RPTOR: variants seen among roughly 807,000 people sequenced by gnomAD.
RPTOR encodes regulatory associated protein of MTOR complex 1.
A neutral mutation model predicts 169.9 loss-of-function variants in RPTOR; 21 were observed. That is an observed-to-expected ratio of 0.12 (90% CI 0.09 to 0.18). The LOEUF is 0.18. RPTOR is among the 10% of genes least tolerant of loss of function. The pLI is 1.00. For missense variants in RPTOR, 1,133 were observed against 1,855.9 expected, an observed-to-expected ratio of 0.61 and a Z score of 7.16; for synonymous variants, 732 against 753.2, an observed-to-expected ratio of 0.97 and a Z score of 0.46.
intron 25 of RPTOR, among the ~76,000 whole-genome samples, chr17:80,945,074 G>A (rs1012664545): frequency 2.0e-5 from 3 of 148,600 alleles, no homozygotes; most frequent in African/African-American, 7.5e-5. Flanking sequence ...CGGGAGGATC[G>A]CTCGAGCCCA....
At chr17:80,626,242 G>A (rs1468716702) in intron 2 of RPTOR, among the ~76,000 whole-genome samples, 1 of 151,914 alleles carries the variant, frequency 6.6e-6, no homozygotes, top group African/African-American at 2.4e-5. Flanking sequence ...TAGTAGAGAT[G>A]GGGTTTCACC....
chr17:80,551,008 C>T (rs1447280342), intron 1 of RPTOR, among the ~76,000 whole-genome samples: 1 of 152,186 alleles, frequency 6.6e-6, no homozygotes, highest in Non-Finnish European at 1.5e-5. Flanking sequence ...GTGCCTCAGT[C>T]TCCCGAGTAG....
At chr17:80,642,764 C>G (rs1471587116) in intron 2 of RPTOR, among the ~76,000 whole-genome samples, 2 of 152,136 alleles carry the variant, frequency 1.3e-5, no homozygotes, top group Non-Finnish European at 2.9e-5. Context: ...TGTAAAATAG[C>G]ATTTTAAGAT....
intron 1 of RPTOR, among the ~76,000 whole-genome samples, chr17:80,616,483 G>A (rs544596817): frequency 6.6e-6 from 1 of 152,160 alleles, no homozygotes; most frequent in East Asian, 1.9e-4. Context: ...GTTTTTAGTA[G>A]AGATGGGGTT....
At chr17:80,793,557 C>G (rs1428495386) in intron 7 of RPTOR, among the ~76,000 whole-genome samples, 2 of 152,170 alleles carry the variant, frequency 1.3e-5, no homozygotes, top group Non-Finnish European at 2.9e-5. Flanking sequence ...ACCCACGCCT[C>G]CATCTCCGTG....
At chr17:80,930,230 C>CCACCTCATCCT (rs1567993403) in intron 24 of RPTOR, among the ~76,000 whole-genome samples, 11 of 20,848 alleles carry the variant, frequency 5.3e-4, no homozygotes, top group South Asian at 1.2e-3. Context: ...CAGCTCATCC[C>CCACCTCATCCT]CAGCTCATCC....
chr17:80,743,670 G>GGCACAGCCCTGGCTACTA (rs201909999), intron 5 of RPTOR, among the ~76,000 whole-genome samples: 4 of 139,344 alleles, frequency 2.9e-5, no homozygotes, highest in African/African-American at 9.0e-5. Context: ...AAGGGTTGAG[G>GGCACAGCCCTGGCTACTA]GCACAGCCCT....
chr17:80,635,433 C>A (rs2065498243), intron 2 of RPTOR, among the ~76,000 whole-genome samples: 1 of 152,194 alleles, frequency 6.6e-6, no homozygotes, highest in Non-Finnish European at 1.5e-5. Flanking sequence ...AGGTTTCAGG[C>A]CTGGTCAGCC....
chr17:80,656,849 G>T (rs79250856), intron 3 of RPTOR, among the ~76,000 whole-genome samples: 3,762 of 152,302 alleles, frequency 0.025, 167 homozygotes, highest in African/African-American at 0.086. Flanking sequence ...TTCAGGGATG[G>T]CTAGTTCCTC....
At chr17:80,700,535 GTGATGA>G (rs1160989294) in intron 3 of RPTOR, among the ~76,000 whole-genome samples, 88 of 87,010 alleles carry the variant, frequency 1.0e-3, no homozygotes, top group South Asian at 2.3e-3. Flanking sequence ...GGTGGTGGTG[GTGATGA>G]TGATGGTGGT....
At chr17:80,689,530 T>C (rs559894905) in intron 3 of RPTOR, among the ~76,000 whole-genome samples, 6 of 152,356 alleles carry the variant, frequency 3.9e-5, no homozygotes, top group African/African-American at 1.4e-4. Context: ...AGGAATTTAC[T>C]AGATTTCAGG....
At chr17:80,619,818 A>T (rs1296402287) in intron 1 of RPTOR, among the ~76,000 whole-genome samples, 1 of 152,210 alleles carries the variant, frequency 6.6e-6, no homozygotes, top group Admixed American at 6.5e-5. Flanking sequence ...CAAGCTGAAC[A>T]CTGTGGAATT....
At chr17:80,859,896 T>C (rs2067898335) in intron 13 of RPTOR, among the ~76,000 whole-genome samples, 1 of 152,194 alleles carries the variant, frequency 6.6e-6, no homozygotes, top group South Asian at 2.1e-4. Context: ...AGGGGCCACA[T>C]AGCTGCCATG....
In RPTOR at chr17:80,940,390, G is replaced by A. The variant is rs891401696; in HGVS notation, c.2920-106G>A. 58 of 828,572 alleles carry A rather than the reference G, an allele frequency of 7.0e-5. 1 individual carries two copies. The African/African-American group carries it at 7.5e-4, about 11-fold the overall frequency. 51.3% of individuals were successfully genotyped at this position (828,572 alleles called of 1,614,324 possible). A position where few individuals can be genotyped will look rare whatever the true frequency, so the allele number is the denominator to read the frequency against. ...ACCCTTTCGTATTGGGGACTGAGCC[G>A]CGCAGGTTTTGCTATCCGAGGGGTC... On this transcript the variant is annotated intron_variant, in intron 24 of 33. Transcript: ENST00000306801.
At position 80,545,704 on chromosome 17, in the gene RPTOR, C is replaced by G. The variant is rs1170261745; in HGVS notation, c.75C>G (p.Asn25Lys). The change falls in exon 1 of 34, where the codon AAC (asparagine) becomes AAG (lysine). Residue 25 changes from asparagine to lysine, a missense_variant. Physicochemically the swap from Asn to Lys is moderately conservative, Grantham distance 94. Coordinates refer to ENST00000306801, the MANE Select transcript of RPTOR (RefSeq NM_020761.3). ...EEDEADLTDW[N>K]LPLAFMKKRH... ...ATGAGGCTGATCTTACAGACTGGAACCTACCTTTGGCTTTTATGAAAAAGA... is the reference window on the plus strand; with the variant it reads ...ATGAGGCTGATCTTACAGACTGGAAGCTACCTTTGGCTTTTATGAAAAAGA... The G allele has an allele frequency of 1.2e-6, 2 of 1,613,682 alleles. No individual in the cohort carries two copies. The highest frequency in any genetic ancestry group is 1.7e-6 in the Non-Finnish European group (2 of 1,179,832).
At chr17:80,681,688 G>GTTGAA in intron 3 of RPTOR, among the ~76,000 whole-genome samples, 1 of 75,280 alleles carries the variant, frequency 1.3e-5, no homozygotes, top group Admixed American at 1.0e-4. Flanking sequence ...GCTTCATGAG[G>GTTGAA]TGTACGTCTC....
chr17:80,951,172 A>C, intron 28 of RPTOR, among the ~76,000 whole-genome samples: 1 of 151,866 alleles, frequency 6.6e-6, no homozygotes, highest in African/African-American at 2.4e-5. Flanking sequence ...ACCCCCCAGA[A>C]GCATCCACAC....
chr17:80,548,935 A>G (rs1599539296), intron 1 of RPTOR, among the ~76,000 whole-genome samples: 1 of 152,302 alleles, frequency 6.6e-6, no homozygotes, highest in East Asian at 1.9e-4. Context: ...TATTTTGTAC[A>G]TATATTCATT....
At chr17:80,582,232 C>G (rs934135023) in intron 1 of RPTOR, among the ~76,000 whole-genome samples, 1 of 152,208 alleles carries the variant, frequency 6.6e-6, no homozygotes, top group East Asian at 1.9e-4. Flanking sequence ...CAGAGGACAG[C>G]TCAGCTGATT....
Sources: gnomAD v4.1 joint callset for allele counts (sites outside exome capture counted in the v4.1 genomes callset) on GRCh38, gnomAD v4.1.1 for gene constraint, MANE v1.5 for transcripts, NCBI Gene and HGNC (gene_info 2026-07-23, HGNC 2026-07-21) for gene names.